Variants in RUVBL1 observed in about 807,000 individuals in gnomAD.
RUVBL1 encodes the protein ruvB-like 1.
A neutral mutation model predicts 52.4 loss-of-function variants in RUVBL1; 4 were observed. That is an observed-to-expected ratio of 0.08 (90% CI 0.04 to 0.17). The LOEUF (loss-of-function observed/expected upper bound fraction) is 0.17. Among genes scored for constraint, RUVBL1 ranks in the 10% least tolerant of loss-of-function variants. The probability of loss-of-function intolerance (pLI) is 1.00; values close to 1 mark genes in which losing one functional copy is unlikely to be tolerated. For missense variants in RUVBL1, 298 were observed against 572.8 expected (o/e 0.52, Z 4.90); for synonymous variants, 217 against 214.4 (o/e 1.01, Z -0.10).
chr3:128,150,999 ATAT>A (rs1456625532), intron 1 of RUVBL1, among the ~76,000 whole-genome samples: 1 of 91,736 alleles, frequency 1.1e-5, no homozygotes, highest in Non-Finnish European at 1.9e-5. Context: ...TATATTATAT[ATAT>A]TATATTATAT....
At chr3:128,148,345 A>G (rs116201938) in intron 1 of RUVBL1, among the ~76,000 whole-genome samples, 1 of 152,142 alleles carries the variant, frequency 6.6e-6, no homozygotes, top group Non-Finnish European at 1.5e-5. Context: ...TTTTTAATGA[A>G]TTGGATGTGG....
chr3:128,108,901 T>C (rs2107701489), intron 3 of RUVBL1, among the ~76,000 whole-genome samples: 1 of 152,294 alleles, frequency 6.6e-6, no homozygotes, highest in African/African-American at 2.4e-5. Flanking sequence ...ACACTGCATG[T>C]AATCACATGG....
At position 128,153,808 on chromosome 3, in the gene RUVBL1, C is replaced by A. The variant is rs766214260; in HGVS notation, c.-645G>T. 17 of 1,517,024 alleles carry A rather than the reference C, an allele frequency of 1.1e-5. No individual in the cohort carries two copies. In the African/African-American group the frequency reaches 2.0e-4, roughly 18 times the overall value. 94.0% of individuals were successfully genotyped at this position (1,517,024 alleles called of 1,614,324 possible). On this transcript the variant is annotated 5_prime_UTR_variant, in exon 1 of 10. Coordinates refer to the RUVBL1 transcript ENST00000464873. ...CTGCCCCGGGCACGCCTCCCTCATC[C>A]GGACCATCATCGGCGGTGAGCGCGG...
intron 1 of RUVBL1, among the ~76,000 whole-genome samples, chr3:128,152,177 T>C (rs914366881): frequency 2.4e-4 from 37 of 152,194 alleles, no homozygotes; most frequent in African/African-American, 8.7e-4. Flanking sequence ...GCTGACAACC[T>C]TTTTTGTGGT....
At chr3:128,132,633 C>G (rs1040420069) in intron 1 of RUVBL1, among the ~76,000 whole-genome samples, 1 of 152,168 alleles carries the variant, frequency 6.6e-6, no homozygotes, top group Non-Finnish European at 1.5e-5. Context: ...TTTCTAGACA[C>G]ACCCTGGGAC....
intron 1 of RUVBL1, among the ~76,000 whole-genome samples, chr3:128,135,541 T>G (rs1943935692): frequency 6.6e-6 from 1 of 152,020 alleles, no homozygotes; most frequent in South Asian, 2.1e-4. Flanking sequence ...TCAAAATAAG[T>G]AAATAAATAA....
At chr3:128,132,086 T>C (rs1244009397) in intron 1 of RUVBL1, among the ~76,000 whole-genome samples, 1 of 152,172 alleles carries the variant, frequency 6.6e-6, no homozygotes, top group Non-Finnish European at 1.5e-5. Context: ...ATCTATGTAC[T>C]TGGCAGAGAG....
chr3:128,113,832 C>T (rs1001101088), intron 2 of RUVBL1, among the ~76,000 whole-genome samples: 3 of 152,066 alleles, frequency 2.0e-5, no homozygotes, highest in African/African-American at 4.8e-5. Flanking sequence ...TTTGAGATAC[C>T]TGCTTTCTCT....
chr3:128,067,428 C>T lies in RUVBL1; in HGVS notation c.940-2208G>A, dbSNP rs758907046. 7.4e-6 allele frequency: 12 copies of T among 1,611,362 alleles called. No homozygotes were observed. Among genetic ancestry groups the T allele is most frequent in the East Asian group, 2.2e-5 (1 of 44,862 alleles). On this transcript the variant is annotated intron_variant, in intron 9 of 9. Transcript: ENST00000464873. This position sits in a 1 kb window ranked among gnomAD's most constrained non-coding sequence, Gnocchi z 4.1. The stretch of plus-strand genomic sequence containing the variant: ...TGGTTTCTTCTTCCCCAGGACACGT[C>T]TTCTGGGGGCCCAGCACGTGCTTAT...
At chr3:128,145,545 G>T (rs912405516) in intron 1 of RUVBL1, among the ~76,000 whole-genome samples, 1 of 152,228 alleles carries the variant, frequency 6.6e-6, no homozygotes, top group South Asian at 2.1e-4. Flanking sequence ...GTAGCCCGCG[G>T]GCGAGTGTTG....
downstream of RUVBL1, among the ~76,000 whole-genome samples, chr3:128,080,559 C>G (rs1942442130): frequency 6.6e-6 from 1 of 152,212 alleles, no homozygotes; most frequent in African/African-American, 2.4e-5. Flanking sequence ...CCACATTTCA[C>G]CTCTAGTCTT....
At chr3:128,115,848 G>T (rs193110416) in intron 2 of RUVBL1, among the ~76,000 whole-genome samples, 14 of 152,328 alleles carry the variant, frequency 9.2e-5, no homozygotes, top group Admixed American at 9.2e-4. Context: ...AACCGGGACT[G>T]GGCACGGTGG....
At chr3:128,116,198 G>A (rs555230318) in intron 2 of RUVBL1, among the ~76,000 whole-genome samples, 1 of 151,530 alleles carries the variant, frequency 6.6e-6, no homozygotes, top group East Asian at 1.9e-4. Flanking sequence ...AAACATAAAA[G>A]AGGACTCTTG....
upstream of RUVBL1, among the ~76,000 whole-genome samples, chr3:128,128,141 C>T (rs1257461174): frequency 2.0e-5 from 3 of 152,160 alleles, no homozygotes; most frequent in Admixed American, 2.0e-4. Context: ...TGCGCCACCA[C>T]ACCCAGCTAA....
chr3:128,089,341 C>T (rs562008459), intron 8 of RUVBL1, among the ~76,000 whole-genome samples: 2 of 152,332 alleles, frequency 1.3e-5, no homozygotes, highest in African/African-American at 2.4e-5. Flanking sequence ...GTTTGGAGGG[C>T]CCAAGTGCTG....
chr3:128,125,181 A>AT (rs1445608214), upstream of RUVBL1, among the ~76,000 whole-genome samples: 2 of 151,178 alleles, frequency 1.3e-5, no homozygotes, highest in East Asian at 1.9e-4. Context: ...CGCCCGGCTA[A>AT]TTTTTTTGTA....
chr3:128,071,422 T>TGGCA (rs1177889603), intron 9 of RUVBL1: 7 of 152,672 alleles, frequency 4.6e-5, no homozygotes. Flanking sequence ...GCTTGGCCTC[T>TGGCA]GGCAGGCAGG....
At chr3:128,069,522 C>T (rs1295991377) in intron 9 of RUVBL1, 2 of 1,613,780 alleles carry the variant, frequency 1.2e-6, no homozygotes, top group Non-Finnish European at 1.7e-6. Context: ...CATCGGGGCC[C>T]TCTCGGTCCT....
chr3:128,097,871 G>A (rs1464243822), intron 7 of RUVBL1, among the ~76,000 whole-genome samples: 1 of 152,178 alleles, frequency 6.6e-6, no homozygotes, highest in Non-Finnish European at 1.5e-5. Context: ...GGGAGACATT[G>A]GAGTTTGGGA....
Sources: gnomAD v4.1 joint callset for allele counts (sites outside exome capture counted in the v4.1 genomes callset) on GRCh38, gnomAD v4.1.1 for gene constraint, Gnocchi (gnomAD v3.1) non-coding constraint, MANE v1.5 for transcripts, NCBI Gene and HGNC (gene_info 2026-07-23, HGNC 2026-07-21) for gene names.